The following SLCO1C1 variants were observed in gnomAD, a reference collection of about 807,000 sequenced individuals.
SLCO1C1 encodes OAT-RP-5.
In SLCO1C1, 70 loss-of-function variants were observed where a neutral mutation model predicts 76.4. The ratio of observed to expected loss-of-function variants is 0.92; its 90% confidence interval spans 0.76 to 1.12. SLCO1C1 has a LOEUF of 1.12. Among genes scored for constraint, SLCO1C1 ranks in the 50% most tolerant of loss-of-function variants. The probability of loss-of-function intolerance (pLI) is 0.00; values close to 1 mark genes in which losing one functional copy is unlikely to be tolerated. For missense variants in SLCO1C1, 912 were observed against 823.8 expected (o/e 1.11, Z -1.31); for synonymous variants, 306 against 286.1 (o/e 1.07, Z -0.70).
rs375733464 is a variant in SLCO1C1, at chr12:20,752,268, G to A, written c.1917-38G>A. On this transcript the variant is annotated intron_variant, in intron 14 of 14. Coordinates refer to ENST00000266509, the MANE Select transcript of SLCO1C1 (RefSeq NM_017435.5). ...TTTTAAATTTTCTTTCAAGTTGGTTGTTGCATTAATTATAACAGAGATTCT... is the reference window on the plus strand; with the variant it reads ...TTTTAAATTTTCTTTCAAGTTGGTTATTGCATTAATTATAACAGAGATTCT... 42 of 1,350,770 alleles carry A rather than the reference G, an allele frequency of 3.1e-5. No homozygotes were observed. The Middle Eastern group carries it at 1.6e-3, about 50-fold the overall frequency. 83.7% of individuals were successfully genotyped at this position (1,350,770 alleles called of 1,614,324 possible). A position where few individuals can be genotyped will look rare whatever the true frequency, so the allele number is the denominator to read the frequency against.
chr12:20,744,440 AT>A (rs1444724225), intron 13 of SLCO1C1, among the ~76,000 whole-genome samples: 1 of 152,148 alleles, frequency 6.6e-6, no homozygotes, highest in African/African-American at 2.4e-5. Flanking sequence ...CAATGGGCTA[AT>A]ATTCCTATTA....
At chr12:20,741,021 C>G (rs1423759539) in intron 12 of SLCO1C1, among the ~76,000 whole-genome samples, 1 of 151,630 alleles carries the variant, frequency 6.6e-6, no homozygotes, top group African/African-American at 2.4e-5. Context: ...GGAGAGGCTT[C>G]AGGAAACTTA....
At chr12:20,737,890 T>C (rs1363852519) in intron 11 of SLCO1C1, among the ~76,000 whole-genome samples, 3 of 152,134 alleles carry the variant, frequency 2.0e-5, no homozygotes, top group Non-Finnish European at 2.9e-5. Context: ...ATAACAAATA[T>C]ACCATAGAAT....
chr12:20,701,962 G>A (rs902351758), intron 3 of SLCO1C1, among the ~76,000 whole-genome samples: 3 of 151,906 alleles, frequency 2.0e-5, no homozygotes, highest in Admixed American at 6.6e-5. Flanking sequence ...AAGAACACAA[G>A]ATCAGAGCAG....
intron 3 of SLCO1C1, among the ~76,000 whole-genome samples, chr12:20,703,955 C>CTGTGTGTG (rs146325219): frequency 0.049 from 6,905 of 140,316 alleles, 282 homozygotes; most frequent in Middle Eastern, 0.12. Flanking sequence ...TCGAGTGTGT[C>CTGTGTGTG]TGTGTGTGTG....
intron 10 of SLCO1C1, among the ~76,000 whole-genome samples, chr12:20,735,156 C>T (rs1302062727): frequency 6.6e-6 from 1 of 151,980 alleles, no homozygotes; most frequent in Admixed American, 6.6e-5. Flanking sequence ...TAAAATGTTT[C>T]CCATGGGTTT....
intron 5 of SLCO1C1, among the ~76,000 whole-genome samples, chr12:20,713,264 A>G (rs1283443981): frequency 1.3e-5 from 2 of 151,742 alleles, no homozygotes; most frequent in Non-Finnish European, 2.9e-5. Context: ...TATTTTTAGT[A>G]GAGACGGGGT....
At chr12:20,702,239 A>G (rs542041900) in intron 3 of SLCO1C1, among the ~76,000 whole-genome samples, 1 of 152,058 alleles carries the variant, frequency 6.6e-6, no homozygotes, top group East Asian at 1.9e-4. Context: ...TTTTAGCTTT[A>G]CCTGGTGAAC....
At chr12:20,721,713 TAG>T (rs887865099) in intron 7 of SLCO1C1, 89 bp from the exon 8 acceptor site, 3 of 1,415,404 alleles carry the variant, frequency 2.1e-6, no homozygotes, top group South Asian at 1.5e-5. Context: ...TATGATGTTA[TAG>T]AGTTTTGCAA....
intron 7 of SLCO1C1, among the ~76,000 whole-genome samples, chr12:20,720,741 T>C (rs1266042503): frequency 3.3e-5 from 5 of 152,172 alleles, no homozygotes; most frequent in Non-Finnish European, 7.3e-5. Context: ...CTCATGCCTG[T>C]AATCCCAGCA....
Position 20,721,899 on chromosome 12 carries a change from C to A in SLCO1C1, c.871C>A (p.Pro291Thr), listed in dbSNP as rs200096048. The change falls in exon 8 of 15, where the codon CCT becomes ACT. Residue 291 changes from proline to threonine, a missense_variant. Coordinates refer to ENST00000266509, the MANE Select transcript of SLCO1C1 (RefSeq NM_017435.5). ...AGIISLLAAVPFWYLPKSLPR... is the reference protein window; with the variant it reads ...AGIISLLAAVTFWYLPKSLPR... ...AATCATAAGTCTTCTTGCAGCTGTG[C>A]CTTTCTGGTATTTACCAAAGAGTTT... The A allele has an allele frequency of 2.7e-5, 43 of 1,613,988 alleles. No individual in the cohort carries two copies. Among genetic ancestry groups the A allele is most frequent in the African/African-American group, 5.3e-5 (4 of 74,910 alleles).
rs555155125 is a variant in SLCO1C1, at chr12:20,712,731, T to C, written c.529+1221T>C. The stretch of plus-strand genomic sequence containing the variant: ...TTAGTACATTCTGTTGAGATGTCTT[T>C]TTTTCCAGGCAATGAACCCCGGCTG... On this transcript the variant is annotated intron_variant, in intron 5 of 14. Coordinates refer to ENST00000266509, the MANE Select transcript of SLCO1C1 (RefSeq NM_017435.5). Among the ~76,000 whole-genome samples the C allele has an allele frequency of 1.2e-4, 18 of 152,290 alleles. No homozygotes were observed. The South Asian group carries it at 2.1e-3, about 18-fold the overall frequency.
chr12:20,720,770 G>A (rs1012003770), intron 7 of SLCO1C1, among the ~76,000 whole-genome samples: 2 of 152,286 alleles, frequency 1.3e-5, no homozygotes, highest in African/African-American at 4.8e-5. Context: ...GGCCAAGGCG[G>A]GCAGATCACC....
intron 13 of SLCO1C1, among the ~76,000 whole-genome samples, chr12:20,744,849 A>G (rs983519238): frequency 6.6e-6 from 1 of 152,182 alleles, no homozygotes; most frequent in Non-Finnish European, 1.5e-5. Flanking sequence ...ACTTTTTATA[A>G]TAGCAAAAAA....
rs1175570055 is a variant in SLCO1C1, at chr12:20,737,201, G to A, written c.1477G>A (p.Glu493Lys). Residue 493 changes from glutamate (E) to lysine (K), a missense_variant, in exon 11 of 15, where the codon GAA becomes AAA. Transcript: ENST00000266509. ...SETKWEPMCG[E>K]NGITYVSACL... The stretch of plus-strand genomic sequence containing the variant: ...GACAAAATGGGAACCCATGTGCGGT[G>A]AAAATGGAATCACATATGTATCAGC... 1 of 1,571,852 alleles carries A rather than the reference G, an allele frequency of 6.4e-7. No homozygotes were observed. The highest frequency in any genetic ancestry group is 8.6e-7 in the Non-Finnish European group (1 of 1,165,438).
At chr12:20,713,472 A>G (rs1189150600) in intron 5 of SLCO1C1, among the ~76,000 whole-genome samples, 1 of 152,234 alleles carries the variant, frequency 6.6e-6, no homozygotes, top group African/African-American at 2.4e-5. Flanking sequence ...AGACTCAGTA[A>G]TTAAAATGTG....
At chr12:20,701,232 GT>G in intron 2 of SLCO1C1, 85 bp from the exon 3 acceptor site, 1 of 1,265,664 alleles carries the variant, frequency 7.9e-7, no homozygotes, top group South Asian at 2.5e-5. Context: ...TTTGTTGTTT[GT>G]TTTGTATTTG....
intron 11 of SLCO1C1, among the ~76,000 whole-genome samples, chr12:20,739,754 G>A (rs1225576878): frequency 6.6e-6 from 1 of 152,170 alleles, no homozygotes. Flanking sequence ...GTTGAGGGTA[G>A]TGATGCAGTC....
chr12:20,744,047 A>C (rs982899731), intron 13 of SLCO1C1, among the ~76,000 whole-genome samples: 6 of 152,084 alleles, frequency 3.9e-5, no homozygotes, highest in African/African-American at 1.4e-4. Flanking sequence ...AACAAACTCA[A>C]AGCTTAAAAA....
Sources: gnomAD v4.1 joint callset for allele counts (sites outside exome capture counted in the v4.1 genomes callset) on GRCh38, gnomAD v4.1.1 for gene constraint, MANE v1.5 for transcripts, NCBI Gene and HGNC (gene_info 2026-07-23, HGNC 2026-07-21) for gene names.